Variants in CDC5L observed in about 807,000 individuals in gnomAD.
CDC5L encodes cell division cycle 5 like.
CDC5L carries 18 observed loss-of-function variants against 104.1 expected under a neutral mutation model. The ratio of observed to expected loss-of-function variants is 0.17; its 90% CI spans 0.12 to 0.26. CDC5L has a LOEUF of 0.26. Among genes scored for constraint, CDC5L ranks in the 10% least tolerant of loss-of-function variants. CDC5L has a pLI of 1.00. For synonymous variants in CDC5L, 331 were observed against 322.7 expected (o/e 1.03, Z -0.28); for missense variants, 673 against 956.9 (o/e 0.70, Z 3.91).
intron 5 of CDC5L, among the ~76,000 whole-genome samples, chr6:44,400,365 T>G (rs1251774699): frequency 2.0e-5 from 3 of 152,208 alleles, no homozygotes. Flanking sequence ...TATTTGCTTG[T>G]TTACTTGTTT....
At chr6:44,419,418 A>G (rs769683748) in intron 8 of CDC5L, 31 bp from the exon 9 acceptor site, 1 of 1,610,980 alleles carries the variant, frequency 6.2e-7, no homozygotes, top group Non-Finnish European at 8.5e-7. Context: ...CTAAACTTTT[A>G]AACTTGCTTC....
intron 14 of CDC5L, among the ~76,000 whole-genome samples, chr6:44,445,327 A>G (rs1375797861): frequency 1.3e-5 from 2 of 152,158 alleles, no homozygotes; most frequent in Admixed American, 6.5e-5. Flanking sequence ...TCCCAAAATA[A>G]ATACGTTGAA....
chr6:44,395,425 A>G (rs574754727), intron 4 of CDC5L, among the ~76,000 whole-genome samples: 1 of 152,326 alleles, frequency 6.6e-6, no homozygotes, highest in South Asian at 2.1e-4. Context: ...CGTGTGTGCC[A>G]CCTATTAGCT....
intron 14 of CDC5L, among the ~76,000 whole-genome samples, chr6:44,438,023 C>T (rs996270693): frequency 6.6e-6 from 1 of 152,150 alleles, no homozygotes; most frequent in African/African-American, 2.4e-5. Flanking sequence ...GATCATGGCT[C>T]ACTGCTGCCT....
intron 1 of CDC5L, among the ~76,000 whole-genome samples, chr6:44,389,282 G>C (rs1790489682): frequency 6.6e-6 from 1 of 152,188 alleles, no homozygotes; most frequent in Non-Finnish European, 1.5e-5. Context: ...TTGGAGAAGA[G>C]ATGACTTCTG....
chr6:44,429,279 C>T (rs904296753), intron 13 of CDC5L, among the ~76,000 whole-genome samples: 8 of 152,096 alleles, frequency 5.3e-5, no homozygotes, highest in Admixed American at 1.3e-4. Context: ...CTCAGCCTCC[C>T]GAAGTGCTGG....
At position 44,449,773 on chromosome 6, in the gene CDC5L, C is replaced by A. The variant is rs1046898115; in HGVS notation, c.*3062C>A. The A allele has an allele frequency of 6.6e-6, 1 of 152,092 alleles. No homozygotes were observed. The highest frequency in any genetic ancestry group is 2.4e-5 in the African/African-American group (1 of 41,404). 9.4% of individuals were successfully genotyped at this position (152,092 alleles called of 1,614,324 possible). A position where few individuals can be genotyped will look rare whatever the true frequency, so the allele number is the denominator to read the frequency against. ...TAATGTTGGCCAACCATGCATCCTC[C>A]CTAGAAATGCATTTGAATTTGATTT... On this transcript the variant is annotated 3_prime_UTR_variant, in exon 16 of 16. Coordinates refer to ENST00000371477, the MANE Select transcript of CDC5L (RefSeq NM_001253.4).
At chr6:44,397,156 G>C (rs1790908199) in intron 5 of CDC5L, among the ~76,000 whole-genome samples, 2 of 152,202 alleles carry the variant, frequency 1.3e-5, no homozygotes, top group African/African-American at 4.8e-5. Context: ...CTCTAATCCT[G>C]CCGTGGTCTT....
rs757239273 is a variant in CDC5L, at chr6:44,445,643, C to T, written c.2092-12C>T. 23 of 1,599,796 alleles carry T rather than the reference C, an allele frequency of 1.4e-5. No homozygotes were observed. In the South Asian group the frequency reaches 2.2e-4, roughly 15 times the overall value. On this transcript the variant is annotated splice_polypyrimidine_tract_variant and intron_variant, in intron 14 of 15. Coordinates refer to ENST00000371477, the MANE Select transcript of CDC5L (RefSeq NM_001253.4). Reference sequence around the variant, plus strand: ...CTCATGTATGCTGATGTGATCTTCCCCTGCTCTCCAGATAAACAGGGGTCA... The same window carrying T: ...CTCATGTATGCTGATGTGATCTTCCTCTGCTCTCCAGATAAACAGGGGTCA...
intron 5 of CDC5L, among the ~76,000 whole-genome samples, chr6:44,403,517 T>C (rs1791227859): frequency 6.6e-6 from 1 of 152,154 alleles, no homozygotes; most frequent in Non-Finnish European, 1.5e-5. Context: ...AAGCTGTTGA[T>C]TTTTTTCATT....
At chr6:44,390,904 TTAA>T (rs1459833223) in intron 2 of CDC5L, among the ~76,000 whole-genome samples, 1 of 145,758 alleles carries the variant, frequency 6.9e-6, no homozygotes, top group East Asian at 2.0e-4. Flanking sequence ...TTAAACATAC[TTAA>T]TGTTATATAT....
chr6:44,415,318 A>T (rs981159788), intron 8 of CDC5L, among the ~76,000 whole-genome samples: 4 of 152,258 alleles, frequency 2.6e-5, no homozygotes, highest in African/African-American at 9.6e-5. Context: ...AGCCATATGC[A>T]GTAAGTTTGG....
intron 5 of CDC5L, among the ~76,000 whole-genome samples, chr6:44,398,707 A>T (rs967603012): frequency 1.3e-5 from 2 of 152,188 alleles, no homozygotes; most frequent in African/African-American, 4.8e-5. Flanking sequence ...TTCATTTAGC[A>T]TTATTGTGTA....
chr6:44,402,489 G>C (rs191820975), intron 5 of CDC5L, among the ~76,000 whole-genome samples: 4 of 152,204 alleles, frequency 2.6e-5, no homozygotes, highest in Admixed American at 2.0e-4. Flanking sequence ...TTCTCCCTGG[G>C]TAGTGAGTTT....
At chr6:44,402,409 G>T (rs1211201997) in intron 5 of CDC5L, among the ~76,000 whole-genome samples, 1 of 152,134 alleles carries the variant, frequency 6.6e-6, no homozygotes. Context: ...TTATATATTT[G>T]CTGTATCTGC....
chr6:44,448,348 CGAT>C lies in CDC5L; in HGVS notation c.*1640_*1642del, dbSNP rs1454514444. The C allele has an allele frequency of 6.6e-6, 1 of 152,124 alleles. No individual in the cohort carries two copies. The highest frequency in any genetic ancestry group is 1.5e-5 in the Non-Finnish European group (1 of 68,022). The allele number at this position is 152,124 out of a possible 1,614,324, so 9.4% of individuals were successfully genotyped here. On this transcript the variant is annotated 3_prime_UTR_variant, in exon 16 of 16. Coordinates refer to ENST00000371477, the MANE Select transcript of CDC5L (RefSeq NM_001253.4). ...ATCTTACTTTAAATATGATAAGAAT[CGAT>C]GAGAAGATCTAAGCAAAGGAATGAC...
chr6:44,388,671 G>A (rs1790459707), intron 1 of CDC5L, among the ~76,000 whole-genome samples: 1 of 146,550 alleles, frequency 6.8e-6, no homozygotes, highest in Non-Finnish European at 1.5e-5. Context: ...ACATTTTATG[G>A]CTTCTTTTTT....
intron 9 of CDC5L, among the ~76,000 whole-genome samples, chr6:44,421,152 C>T (rs1792153022): frequency 1.3e-5 from 2 of 152,168 alleles, no homozygotes; most frequent in African/African-American, 4.8e-5. Flanking sequence ...ACTATATTTG[C>T]TTTATCACAT....
intron 8 of CDC5L, among the ~76,000 whole-genome samples, chr6:44,412,922 A>G (rs1011367568): frequency 6.7e-6 from 1 of 149,852 alleles, no homozygotes; most frequent in Non-Finnish European, 1.5e-5. Flanking sequence ...AGCTGGGACT[A>G]CAGGCGCCCG....
Sources: allele counts gnomAD v4.1 joint callset (sites outside exome capture counted in the v4.1 genomes callset), GRCh38; gene constraint gnomAD v4.1.1; transcripts MANE v1.5; gene names NCBI Gene and HGNC (gene_info 2026-07-23, HGNC 2026-07-21).